LRP1B: variants seen among roughly 807,000 people sequenced by gnomAD.
The protein encoded by LRP1B is low-density lipoprotein receptor-related protein 1B.
LRP1B carries 217 observed loss-of-function variants against 556.6 expected under a neutral mutation model. The ratio of observed to expected loss-of-function variants is 0.39; its 90% CI spans 0.35 to 0.44. LRP1B has a LOEUF of 0.44. Ranked by LOEUF, LRP1B falls within the 20% of genes least tolerant of loss-of-function variation. The pLI, the probability that LRP1B is intolerant of heterozygous loss-of-function variation, is 1.00. For synonymous variants in LRP1B, 2,047 were observed against 1,865.8 expected (o/e 1.10, Z -2.50); for missense variants, 5,053 against 5,620.8 (o/e 0.90, Z 3.23).
At chr2:142,005,348 C>T (rs981960708) in intron 1 of LRP1B, among the ~76,000 whole-genome samples, 5 of 151,828 alleles carry the variant, frequency 3.3e-5, no homozygotes, top group African/African-American at 4.8e-5. Flanking sequence ...CATAACATTC[C>T]GGGCATTTTC....
At chr2:140,867,855 G>A (rs776785576) in intron 26 of LRP1B, 21 bp from the exon 27 acceptor site, 23 of 1,498,210 alleles carry the variant, frequency 1.5e-5, no homozygotes, top group Middle Eastern at 1.8e-4. Flanking sequence ...ATAAATACAT[G>A]AGTAGTTTGT....
chr2:140,376,659 C>A (rs2105179532), intron 68 of LRP1B, among the ~76,000 whole-genome samples: 1 of 152,088 alleles, frequency 6.6e-6, no homozygotes, highest in East Asian at 1.9e-4. Context: ...TCTTGAGCGA[C>A]CTTTGCATCC....
At chr2:140,666,533 T>C (rs1028951597) in intron 41 of LRP1B, among the ~76,000 whole-genome samples, 1 of 152,210 alleles carries the variant, frequency 6.6e-6, no homozygotes, top group African/African-American at 2.4e-5. Context: ...TGTTTCATTA[T>C]GATCTTTGTT....
chr2:141,852,935 T>C (rs1015148618), intron 1 of LRP1B, among the ~76,000 whole-genome samples: 3 of 151,248 alleles, frequency 2.0e-5, no homozygotes, highest in Non-Finnish European at 4.4e-5. Context: ...CCAGAATAAA[T>C]TGTGAATACA....
chr2:140,327,582 AAAAACAT>A (rs1471782741), intron 79 of LRP1B, among the ~76,000 whole-genome samples: 2 of 152,086 alleles, frequency 1.3e-5, no homozygotes, highest in Non-Finnish European at 2.9e-5. Context: ...GAGAAGGGTT[AAAAACAT>A]AAAACATGAT....
At chr2:140,942,630 T>C (rs1695433603) in intron 20 of LRP1B, among the ~76,000 whole-genome samples, 1 of 152,114 alleles carries the variant, frequency 6.6e-6, no homozygotes, top group Admixed American at 6.6e-5. Flanking sequence ...ATCGTGAGCC[T>C]ATTTTTAGTA....
At chr2:141,488,025 T>C (rs1683182954) in intron 2 of LRP1B, among the ~76,000 whole-genome samples, 1 of 152,198 alleles carries the variant, frequency 6.6e-6, no homozygotes, top group African/African-American at 2.4e-5. Context: ...GGGGAGTTTT[T>C]TGTGGATGTC....
intron 80 of LRP1B, among the ~76,000 whole-genome samples, chr2:140,324,552 ATTC>A (rs1402566919): frequency 6.6e-6 from 1 of 152,112 alleles, no homozygotes; most frequent in African/African-American, 2.4e-5. Flanking sequence ...CATTACTATT[ATTC>A]ATTTCAGAAG....
At chr2:141,451,570 T>C (rs1681422645) in intron 3 of LRP1B, among the ~76,000 whole-genome samples, 2 of 152,198 alleles carry the variant, frequency 1.3e-5, no homozygotes, top group Admixed American at 6.5e-5. Context: ...TTCACCTATA[T>C]AATTGTACCT....
intron 57 of LRP1B, among the ~76,000 whole-genome samples, chr2:140,490,546 C>G (rs767703513): frequency 6.6e-6 from 1 of 151,976 alleles, no homozygotes. Flanking sequence ...AGGATATTGT[C>G]TTTTCATTTA....
chr2:140,964,297 A>G (rs1696129491), intron 18 of LRP1B, among the ~76,000 whole-genome samples: 1 of 152,180 alleles, frequency 6.6e-6, no homozygotes, highest in Non-Finnish European at 1.5e-5. Flanking sequence ...CCACTGAAGC[A>G]CAGCATCACA....
chr2:141,596,937 G>A (rs888556117), intron 2 of LRP1B, among the ~76,000 whole-genome samples: 4 of 151,674 alleles, frequency 2.6e-5, no homozygotes, highest in African/African-American at 9.7e-5. Context: ...CATTACCAAG[G>A]TTTAGTAGTT....
At chr2:140,708,652 G>A (rs901902902) in intron 37 of LRP1B, among the ~76,000 whole-genome samples, 1 of 151,462 alleles carries the variant, frequency 6.6e-6, no homozygotes, top group Non-Finnish European at 1.5e-5. Context: ...ACATATACAT[G>A]TACATATATA....
At chr2:140,531,644 A>C (rs1690696989) in intron 47 of LRP1B, among the ~76,000 whole-genome samples, 1 of 151,948 alleles carries the variant, frequency 6.6e-6, no homozygotes, top group Non-Finnish European at 1.5e-5. Context: ...TTTCCTTTAC[A>C]TCAATCTTTT....
At chr2:141,456,964 T>C (rs547842750) in intron 3 of LRP1B, among the ~76,000 whole-genome samples, 9 of 152,354 alleles carry the variant, frequency 5.9e-5, no homozygotes, top group African/African-American at 1.9e-4. Flanking sequence ...AGGGACTGAA[T>C]ATTCAATTTG....
At chr2:141,118,945 G>C (rs1281815147) in intron 7 of LRP1B, among the ~76,000 whole-genome samples, 1 of 151,734 alleles carries the variant, frequency 6.6e-6, no homozygotes, top group Non-Finnish European at 1.5e-5. Flanking sequence ...ATTCTACATA[G>C]ATATAGTTAA....
intron 2 of LRP1B, among the ~76,000 whole-genome samples, chr2:141,702,696 T>C (rs1241566353): frequency 6.6e-6 from 1 of 151,800 alleles, no homozygotes; most frequent in Non-Finnish European, 1.5e-5. Context: ...GGAAATTGTT[T>C]GCAAGATGGA....
chr2:140,592,409 CT>C (rs1682263336), intron 43 of LRP1B, among the ~76,000 whole-genome samples: 1 of 151,460 alleles, frequency 6.6e-6, no homozygotes, highest in Non-Finnish European at 1.5e-5. Context: ...GAAATGGATG[CT>C]TATACTTATA....
intron 1 of LRP1B, among the ~76,000 whole-genome samples, chr2:141,890,340 A>ATATATATATATATATG (rs1699248474): frequency 7.5e-6 from 1 of 133,658 alleles, no homozygotes; most frequent in South Asian, 2.5e-4. Flanking sequence ...ATATATATAT[A>ATATATATATATATATG]TATATATATA....
Sources: gnomAD v4.1 joint callset for allele counts (sites outside exome capture counted in the v4.1 genomes callset) on GRCh38, gnomAD v4.1.1 for gene constraint, MANE v1.5 for transcripts, NCBI Gene and HGNC (gene_info 2026-07-23, HGNC 2026-07-21) for gene names.